The following CLHC1 variants were observed in gnomAD, a reference collection of about 807,000 sequenced individuals.
CLHC1 encodes clathrin heavy chain linker domain-containing protein 1.
CLHC1 carries 72 observed loss-of-function variants against 69.5 expected under a neutral mutation model. The observed-to-expected ratio is 1.04, with a 90% CI of 0.86 to 1.26. The LOEUF is 1.26. Among genes scored for constraint, CLHC1 ranks in the 50% most tolerant of loss-of-function variants. The probability of loss-of-function intolerance (pLI) is 0.00; values close to 1 mark genes in which losing one functional copy is unlikely to be tolerated. For synonymous variants in CLHC1, 223 were observed against 224.3 expected (o/e 0.99, Z 0.05); for missense variants, 790 against 679.3 (o/e 1.16, Z -1.81).
At chr2:55,199,976 C>T (rs937618064) in intron 9 of CLHC1, among the ~76,000 whole-genome samples, 1 of 152,082 alleles carries the variant, frequency 6.6e-6, no homozygotes, top group African/African-American at 2.4e-5. Context: ...GTAATCTCAG[C>T]ATTTTGGGAG....
chr2:55,208,272 T>C (rs570648498), intron 8 of CLHC1, among the ~76,000 whole-genome samples: 7 of 152,342 alleles, frequency 4.6e-5, no homozygotes, highest in African/African-American at 1.7e-4. Flanking sequence ...GGGATCCAAG[T>C]CTAAACACAA....
chr2:55,195,519 T>C (rs1456395038), intron 9 of CLHC1, among the ~76,000 whole-genome samples: 1 of 152,170 alleles, frequency 6.6e-6, no homozygotes, highest in Non-Finnish European at 1.5e-5. Context: ...ACTGTCTACA[T>C]GGCCGGGCAT....
chr2:55,203,973 T>C (rs1672200452), intron 9 of CLHC1, among the ~76,000 whole-genome samples: 1 of 152,060 alleles, frequency 6.6e-6, no homozygotes, highest in African/African-American at 2.4e-5. Context: ...GAAAAAAATC[T>C]AATAATCTGA....
At chr2:55,198,508 C>G (rs1031694305) in intron 9 of CLHC1, among the ~76,000 whole-genome samples, 1 of 152,026 alleles carries the variant, frequency 6.6e-6, no homozygotes, top group African/African-American at 2.4e-5. Context: ...TCGCTTGAAC[C>G]CAGGAGGCAG....
In CLHC1 at chr2:55,208,475, G is replaced by A. The variant is rs1260174822; in HGVS notation, c.899+151C>T. Reference sequence around the variant, plus strand: ...TTCAGATTTCAAATTTTTGGATTAGGAATGCTTAACCTGTATAAATAAAAC... The same window carrying A: ...TTCAGATTTCAAATTTTTGGATTAGAAATGCTTAACCTGTATAAATAAAAC... On this transcript the variant is annotated intron_variant, in intron 8 of 12. Transcript: ENST00000401408. The A allele has an allele frequency of 1.7e-5, 8 of 472,116 alleles. No individual in the cohort carries two copies. The East Asian group carries it at 2.1e-4, about 12-fold the overall frequency. 29.2% of individuals were successfully genotyped at this position (472,116 alleles called of 1,614,324 possible).
intron 2 of CLHC1, chr2:55,224,301 C>A: frequency 2.2e-6 from 1 of 457,476 alleles, no homozygotes; most frequent in Non-Finnish European, 4.5e-6. Flanking sequence ...ATGCAGAGTG[C>A]CGTCCTCTGG....
chr2:55,178,471 T>C (rs1226633059), intron 11 of CLHC1, among the ~76,000 whole-genome samples: 1 of 152,176 alleles, frequency 6.6e-6, no homozygotes, highest in Non-Finnish European at 1.5e-5. Context: ...AAAGCTACAA[T>C]TATGATTTGT....
At chr2:55,205,355 AG>A (rs1406034852) in intron 9 of CLHC1, among the ~76,000 whole-genome samples, 1 of 152,034 alleles carries the variant, frequency 6.6e-6, no homozygotes, top group Non-Finnish European at 1.5e-5. Flanking sequence ...GCAAAGTCAG[AG>A]AATCAACCTA....
At chr2:55,184,396 C>G (rs1670222888) in intron 9 of CLHC1, among the ~76,000 whole-genome samples, 1 of 152,130 alleles carries the variant, frequency 6.6e-6, no homozygotes, top group Non-Finnish European at 1.5e-5. Context: ...TGAGCCACCA[C>G]ACCTGGCCAA....
In CLHC1 at chr2:55,217,953, T is replaced by C. The variant is rs773186159; in HGVS notation, c.223A>G (p.Lys75Glu). 3.2e-5 allele frequency: 51 copies of C among 1,586,284 alleles called. No individual in the cohort carries two copies. The highest frequency in any genetic ancestry group is 9.2e-5 in the South Asian group (8 of 86,716). Reference protein sequence around the residue: ...TAYKSILTSIKKEYDAFIETI... With the variant: ...TAYKSILTSIEKEYDAFIETI... Reference sequence around the variant, plus strand: ...TCAATAAAGGCATCATATTCTTTTTTGATTGAAGTAAGAATGGATTTGTAT... The same window carrying C: ...TCAATAAAGGCATCATATTCTTTTTCGATTGAAGTAAGAATGGATTTGTAT... Residue 75 changes from lysine (K) to glutamate (E), a missense_variant, in exon 4 of 13, where the codon AAA becomes GAA. Lys to Glu is a moderately conservative substitution (Grantham distance 56, BLOSUM62 1). Transcript: ENST00000401408.
intron 8 of CLHC1, 51 bp from the exon 9 acceptor site, chr2:55,206,427 A>G: frequency 9.8e-7 from 1 of 1,023,844 alleles, no homozygotes. Flanking sequence ...AGAAAAAGAG[A>G]AAAAACTGAT....
intron 9 of CLHC1, among the ~76,000 whole-genome samples, chr2:55,185,713 G>T (rs1670355808): frequency 1.3e-5 from 2 of 152,108 alleles, no homozygotes; most frequent in African/African-American, 4.8e-5. Context: ...TTCCCAATTA[G>T]TCCTTTATCT....
intron 9 of CLHC1, among the ~76,000 whole-genome samples, chr2:55,191,394 C>T (rs763142514): frequency 3.9e-4 from 60 of 152,112 alleles, no homozygotes; most frequent in Non-Finnish European, 4.4e-4. Flanking sequence ...GGCCACCATG[C>T]ATGGCTAATT....
Position 55,218,178 on chromosome 2 carries a change from G to A in CLHC1, c.178-180C>T, listed in dbSNP as rs1438282419. 59 of 409,584 alleles carry A rather than the reference G, an allele frequency of 1.4e-4. 1 individual carries two copies. In the Admixed American group the frequency reaches 2.5e-3, roughly 17 times the overall value. 25.4% of individuals were successfully genotyped at this position (409,584 alleles called of 1,614,324 possible). ...ACTAAAGGCAATATTTACTAAACAT[G>A]TGCTCTTTGTGGAACATTACAGTAG... is the stretch of plus-strand genomic sequence containing the variant. On this transcript the variant is annotated intron_variant, in intron 3 of 12. Coordinates refer to ENST00000401408, the MANE Select transcript of CLHC1 (RefSeq NM_152385.4).
chr2:55,221,347 T>A (rs1674094996), intron 3 of CLHC1, among the ~76,000 whole-genome samples: 1 of 152,192 alleles, frequency 6.6e-6, no homozygotes, highest in Admixed American at 6.5e-5. Context: ...GGATAATAGG[T>A]ATTTCTAAAA....
At chr2:55,212,228 G>C (rs1673079056) in intron 5 of CLHC1, among the ~76,000 whole-genome samples, 1 of 151,478 alleles carries the variant, frequency 6.6e-6, no homozygotes, top group South Asian at 2.1e-4. Flanking sequence ...TGTGGGCCGA[G>C]ATCACACCAC....
rs754346573 is a variant in CLHC1, at chr2:55,222,422, C to A, written c.-11G>T. The A allele has an allele frequency of 9.9e-6, 16 of 1,610,760 alleles. No homozygotes were observed. Among genetic ancestry groups the A allele is most frequent in the Non-Finnish European group, 1.4e-5 (16 of 1,178,542 alleles). The stretch of plus-strand genomic sequence containing the variant: ...TTGATGAACTGACATATTTGACAAT[C>A]TGCACACTTGTTCACTGAAGAACAG... On this transcript the variant is annotated 5_prime_UTR_variant, in exon 3 of 13. Transcript: ENST00000401408.
chr2:55,221,937 A>ATAT (rs1466800834), intron 3 of CLHC1, among the ~76,000 whole-genome samples: 1 of 152,226 alleles, frequency 6.6e-6, no homozygotes, highest in Non-Finnish European at 1.5e-5. Flanking sequence ...TGAGTGTGCC[A>ATAT]CTGCACTCCA....
chr2:55,209,362 T>A (rs1189026707), intron 7 of CLHC1, 42 bp downstream of exon 7: 3 of 1,254,996 alleles, frequency 2.4e-6, no homozygotes, highest in Non-Finnish European at 3.4e-6. Flanking sequence ...GAAAAAAATG[T>A]CTTCCATTAT....
Sources: allele counts gnomAD v4.1 joint callset (sites outside exome capture counted in the v4.1 genomes callset), GRCh38; gene constraint gnomAD v4.1.1; transcripts MANE v1.5; gene names NCBI Gene and HGNC (gene_info 2026-07-23, HGNC 2026-07-21).